Variants in TPRX1 observed in about 807,000 individuals in gnomAD.
TPRX1 encodes tetra-peptide repeat homeobox protein 1.
Under a neutral mutation model 8.1 loss-of-function variants are expected in TPRX1, and 2 were observed. That is an observed-to-expected ratio of 0.25 (90% CI 0.10 to 0.78). TPRX1 has a LOEUF of 0.78. Ranked by LOEUF, TPRX1 falls within the 30% of genes least tolerant of loss-of-function variation. The pLI, the probability that TPRX1 is intolerant of heterozygous loss-of-function variation, is 0.70. For missense variants in TPRX1, 517 were observed against 586.9 expected (o/e 0.88, Z 1.23); for synonymous variants, 257 against 254.1 (o/e 1.01, Z -0.11).
At chr19:47,814,261 G>T (rs960092300) in intron 2 of TPRX1, among the ~76,000 whole-genome samples, 2 of 152,036 alleles carry the variant, frequency 1.3e-5, no homozygotes, top group African/African-American at 2.4e-5. Flanking sequence ...CACCGTGTTG[G>T]CCAGGCTGGT....
rs1317976720 is a variant in TPRX1 at position 47,802,055 on chromosome 19, GCTGGGACTGAGC to G, written c.1235_1246del (p.Gly412_Pro415del). ...GAGTGATCCTGGGCCTGGGATTGGA[GCTGGGACTGAGC>G]CTGAGCCTGGGCCTGAGCCTGGGCC... On this transcript the variant is annotated inframe_deletion, in exon 4 of 4. Transcript: ENST00000535759. The G allele has an allele frequency of 4.4e-6, 7 of 1,601,812 alleles. No individual in the cohort carries two copies. The African/African-American group carries it at 8.1e-5, about 19-fold the overall frequency.
chr19:47,809,474 G>C (rs546485661), intron 2 of TPRX1, among the ~76,000 whole-genome samples: 4 of 151,824 alleles, frequency 2.6e-5, no homozygotes, highest in Non-Finnish European at 5.9e-5. Context: ...GTAGAGACGG[G>C]GTTTTGCCAT....
intron 2 of TPRX1, among the ~76,000 whole-genome samples, chr19:47,809,483 A>G (rs569109886): frequency 2.3e-4 from 35 of 152,084 alleles, no homozygotes; most frequent in African/African-American, 6.0e-4. Flanking sequence ...GGGTTTTGCC[A>G]TGTTACCCAG....
chr19:47,814,060 A>ATTTT (rs565480649), intron 2 of TPRX1, among the ~76,000 whole-genome samples: 4 of 139,532 alleles, frequency 2.9e-5, no homozygotes, highest in Admixed American at 1.5e-4. Flanking sequence ...AACATTGCTG[A>ATTTT]TTTTTTTTTT....
intron 2 of TPRX1, among the ~76,000 whole-genome samples, chr19:47,811,165 GGC>G (rs1356794676): frequency 6.6e-6 from 1 of 150,862 alleles, no homozygotes; most frequent in Non-Finnish European, 1.5e-5. Context: ...CACCATGCTT[GGC>G]TAATTTTTGT....
exon 4 of TPRX1, chr19:47,802,570 G>A: frequency 6.4e-7 from 1 of 1,550,946 alleles, no homozygotes; most frequent in Non-Finnish European, 8.7e-7. Context: ...CACGGAATGG[G>A]CCTGGGATCT....
chr19:47,817,875 CCTCCCTTGTTGGCCCTGCCAGCCT>C, intron 2 of TPRX1, among the ~76,000 whole-genome samples: 1 of 152,346 alleles, frequency 6.6e-6, no homozygotes, highest in African/African-American at 2.4e-5. Flanking sequence ...TGTTCAGGGC[CCTCCCTTGTTGGCCCTGCCAGCCT>C]CTCTCTGCCG....
intron 2 of TPRX1, among the ~76,000 whole-genome samples, chr19:47,813,457 G>A (rs760479295): frequency 1.3e-5 from 2 of 152,164 alleles, no homozygotes; most frequent in African/African-American, 4.8e-5. Flanking sequence ...GTAGAGAGGG[G>A]AGTTGTTCCA....
At chr19:47,815,749 C>T (rs1305843066) in intron 2 of TPRX1, among the ~76,000 whole-genome samples, 1 of 150,042 alleles carries the variant, frequency 6.7e-6, no homozygotes, top group African/African-American at 2.4e-5. Flanking sequence ...GAGGTTGAGG[C>T]TTCAGTCAGC....
chr19:47,812,421 A>G (rs912027795), intron 2 of TPRX1, among the ~76,000 whole-genome samples: 1 of 151,614 alleles, frequency 6.6e-6, no homozygotes, highest in Non-Finnish European at 1.5e-5. Context: ...ACATAGCGAG[A>G]TCTTGTCTCT....
At chr19:47,815,135 T>A (rs374021074) in intron 2 of TPRX1, among the ~76,000 whole-genome samples, 2 of 114,100 alleles carry the variant, frequency 1.8e-5, no homozygotes, top group East Asian at 2.4e-4. Flanking sequence ...TATATATATA[T>A]ATATATATGC....
chr19:47,802,064 G>A (rs778459955), exon 4 of TPRX1: 4 of 1,601,620 alleles, frequency 2.5e-6, no homozygotes, highest in Non-Finnish European at 3.4e-6. Flanking sequence ...AGCTGGGACT[G>A]AGCCTGAGCC....
intron 2 of TPRX1, among the ~76,000 whole-genome samples, chr19:47,815,447 C>CCAGCCCACTGTGAGCTT (rs1568617524): frequency 6.7e-6 from 1 of 149,256 alleles, no homozygotes; most frequent in African/African-American, 2.4e-5. Context: ...GCCACCGCAC[C>CCAGCCCACTGTGAGCTT]TGGCTCAAAG....
At chr19:47,816,783 T>G (rs144812226) in intron 2 of TPRX1, among the ~76,000 whole-genome samples, 2 of 151,986 alleles carry the variant, frequency 1.3e-5, no homozygotes, top group Non-Finnish European at 2.9e-5. Flanking sequence ...CTGCCCGCCT[T>G]GGCCTCCCAA....
intron 2 of TPRX1, among the ~76,000 whole-genome samples, chr19:47,818,312 C>CCCAT (rs143765247): frequency 0.34 from 34,765 of 101,328 alleles, 8,301 homozygotes; most frequent in East Asian, 0.66. Flanking sequence ...CCATCCATCA[C>CCCAT]CCATCCATCC....
chr19:47,818,312 CCCATCCAT>C lies in TPRX1; in HGVS notation c.151+148_151+155del, dbSNP rs143765247. ...CATCCATCCATCCACCCATCCATCA[CCCATCCAT>C]CCATCCATCCATCCATCCATCATCC... On this transcript the variant is annotated intron_variant, in intron 2 of 3. Coordinates refer to ENST00000535759, the Ensembl canonical transcript of TPRX1. 1.8e-4 allele frequency among the ~76,000 whole-genome samples: 18 copies of C among 101,820 alleles called. 1 individual carries two copies. Among genetic ancestry groups the C allele is most frequent in the African/African-American group, 5.2e-4 (10 of 19,412 alleles). 66.8% of individuals were successfully genotyped at this position (101,820 alleles called of 152,430 possible).
rs1425252514 is a variant in TPRX1, at chr19:47,802,794, G to A, written c.508C>T (p.Leu170Phe). 3 of 1,603,710 alleles carry A rather than the reference G, an allele frequency of 1.9e-6. No homozygotes were observed. Among genetic ancestry groups the A allele is most frequent in the Admixed American group, 3.4e-5 (2 of 58,936 alleles). ...CCAGGGCCACCCCAGGCCTGGTGGA[G>A]GCTGCAGATCGTGGGTTCCGCCGCT... is the stretch of plus-strand genomic sequence containing the variant. Residue 170 changes from leucine to phenylalanine, a missense_variant, in exon 4 of 4, where the codon CTC becomes TTC. Transcript: ENST00000535759.
intron 2 of TPRX1, among the ~76,000 whole-genome samples, chr19:47,816,161 C>T (rs560010153): frequency 1.3e-5 from 2 of 150,706 alleles, no homozygotes; most frequent in South Asian, 2.1e-4. Flanking sequence ...CTCCGCCTCG[C>T]GGGTTCAAGC....
chr19:47,806,138 G>T (rs1263591822), intron 2 of TPRX1, among the ~76,000 whole-genome samples: 1 of 152,048 alleles, frequency 6.6e-6, no homozygotes, highest in Non-Finnish European at 1.5e-5. Flanking sequence ...GGGGGAATTG[G>T]TTGAACCCGG....
Sources: allele counts gnomAD v4.1 joint callset (sites outside exome capture counted in the v4.1 genomes callset), GRCh38; gene constraint gnomAD v4.1.1; transcripts MANE v1.5; gene names NCBI Gene and HGNC (gene_info 2026-07-23, HGNC 2026-07-21).